Variants in SAFB observed in about 807,000 individuals in gnomAD.
SAFB encodes scaffold attachment factor B1.
Under a neutral mutation model 101.6 loss-of-function variants are expected in SAFB, and 15 were observed. That is an observed-to-expected ratio of 0.15 (90% CI 0.10 to 0.23). SAFB has a LOEUF of 0.23. Among genes scored for constraint, SAFB ranks in the 10% least tolerant of loss-of-function variants. The pLI is 1.00. For missense variants in SAFB, 930 were observed against 1,104.1 expected, an observed-to-expected ratio of 0.84 and a Z score of 2.23; for synonymous variants, 449 against 407.5, an observed-to-expected ratio of 1.10 and a Z score of -1.23.
At chr19:5,643,070 A>G (rs560672765) in intron 4 of SAFB, among the ~76,000 whole-genome samples, 18 of 152,304 alleles carry the variant, frequency 1.2e-4, no homozygotes, top group African/African-American at 4.3e-4. Flanking sequence ...CAGATGACAC[A>G]CAGCTCATAA....
At chr19:5,628,026 T>A (rs2053405730) in intron 2 of SAFB, among the ~76,000 whole-genome samples, 1 of 152,100 alleles carries the variant, frequency 6.6e-6, no homozygotes, top group Admixed American at 6.6e-5. Flanking sequence ...TGAGGCGGAC[T>A]GGTCACCTGA....
intron 2 of SAFB, among the ~76,000 whole-genome samples, chr19:5,640,707 C>T (rs2053690252): frequency 6.6e-6 from 1 of 151,732 alleles, no homozygotes; most frequent in Non-Finnish European, 1.5e-5. Context: ...TTCCTGCCTC[C>T]GCCTCCTGAG....
At chr19:5,650,474 C>T (rs774433134) in intron 8 of SAFB, among the ~76,000 whole-genome samples, 16 of 152,076 alleles carry the variant, frequency 1.1e-4, no homozygotes, top group East Asian at 3.8e-4. Flanking sequence ...TGCAGTGGCG[C>T]GATCTCAGCT....
At chr19:5,652,575 A>G (rs964796057) in intron 9 of SAFB, among the ~76,000 whole-genome samples, 1 of 152,208 alleles carries the variant, frequency 6.6e-6, no homozygotes, top group African/African-American at 2.4e-5. Context: ...CCCTAACTGC[A>G]TCCTGCTGGA....
At chr19:5,639,020 C>T (rs548538624) in intron 2 of SAFB, among the ~76,000 whole-genome samples, 73 of 152,322 alleles carry the variant, frequency 4.8e-4, no homozygotes, top group Non-Finnish European at 9.1e-4. Flanking sequence ...AGCCACCACG[C>T]CTGGCAAGTA....
rs902554257 is a variant in SAFB, at chr19:5,641,595, G to T, written c.276G>T (p.Gly92=). 1.2e-6 allele frequency: 2 copies of T among 1,613,618 alleles called. No individual in the cohort carries two copies. The highest frequency in any genetic ancestry group is 1.7e-6 in the Non-Finnish European group (2 of 1,179,754). ...NKKTSKRSSK[G]RKPEEEGVED... The stretch of plus-strand genomic sequence containing the variant: ...TGCTGTAAATGATTCTGTCTTCAGG[G>T]CGCAAACCAGAAGAAGAGGGTGTGG... Residue 92 remains glycine, a splice_region_variant and synonymous_variant, in exon 3 of 21, where the codon GGG becomes GGT. Coordinates refer to ENST00000588852, the MANE Select transcript of SAFB (RefSeq NM_001201338.2).
chr19:5,641,255 C>T (rs1259993668), intron 2 of SAFB, among the ~76,000 whole-genome samples: 1 of 152,200 alleles, frequency 6.6e-6, no homozygotes, highest in Non-Finnish European at 1.5e-5. Context: ...AACTAAAAGG[C>T]AGCACATTTG....
rs533493297 is a variant in SAFB, at chr19:5,658,829, C to T, written c.1862+1482C>T. ...CTGCACTCCAGCCTGGGCGACAGAG[C>T]AAGACTCCATCTCAAAAAAAAAGGG... On this transcript the variant is annotated intron_variant, in intron 14 of 20. Transcript: ENST00000588852. 3.0e-5 allele frequency among the ~76,000 whole-genome samples: 4 copies of T among 133,330 alleles called. No individual in the cohort carries two copies. The East Asian group carries it at 6.8e-4, about 23-fold the overall frequency. The allele number at this position is 133,330 out of a possible 152,430, so 87.5% of individuals were successfully genotyped here.
intron 13 of SAFB, among the ~76,000 whole-genome samples, chr19:5,656,293 A>G (rs1016828452): frequency 2.0e-4 from 30 of 151,798 alleles, no homozygotes; most frequent in Non-Finnish European, 1.2e-4. Context: ...ATTATTTTTT[A>G]GACAGTCTGA....
chr19:5,623,592 C>T (rs904327463), intron 1 of SAFB, among the ~76,000 whole-genome samples, 198 bp downstream of exon 1: 1 of 152,122 alleles, frequency 6.6e-6, no homozygotes, highest in Non-Finnish European at 1.5e-5. Flanking sequence ...ATCCTAACGC[C>T]GCAATGGGGC....
chr19:5,659,751 G>A (rs2054152404), intron 14 of SAFB, among the ~76,000 whole-genome samples: 1 of 151,926 alleles, frequency 6.6e-6, no homozygotes, highest in Admixed American at 6.6e-5. Context: ...ATTGGCAGGT[G>A]GCATTTCTGC....
chr19:5,651,099 G>T (rs2053928553), intron 9 of SAFB, 27 bp downstream of exon 9: 2 of 1,471,990 alleles, frequency 1.4e-6, no homozygotes, highest in African/African-American at 1.4e-5. Context: ...TTCTGGAGAA[G>T]ATACTTTGAA....
intron 13 of SAFB, among the ~76,000 whole-genome samples, chr19:5,654,901 T>C (rs910038404): frequency 1.3e-5 from 2 of 152,240 alleles, no homozygotes; most frequent in Non-Finnish European, 2.9e-5. Flanking sequence ...AAAGCTTTCC[T>C]TTATCCTTAC....
chr19:5,632,034 G>A (rs2053501182), intron 2 of SAFB, among the ~76,000 whole-genome samples: 1 of 152,108 alleles, frequency 6.6e-6, no homozygotes, highest in South Asian at 2.1e-4. Context: ...TGGTAACAGG[G>A]CAAGACTCTG....
intron 2 of SAFB, among the ~76,000 whole-genome samples, chr19:5,637,619 A>T (rs1447606144): frequency 6.6e-6 from 1 of 151,984 alleles, no homozygotes; most frequent in Non-Finnish European, 1.5e-5. Context: ...GTGAGCCAAG[A>T]CATGCCACTG....
intron 4 of SAFB, among the ~76,000 whole-genome samples, chr19:5,642,801 G>A (rs2053751502): frequency 6.6e-6 from 1 of 151,374 alleles, no homozygotes; most frequent in Non-Finnish European, 1.5e-5. Flanking sequence ...GAGTAGCTGG[G>A]ATTATAGGCG....
chr19:5,663,929 G>A, intron 15 of SAFB, 93 bp from the exon 16 acceptor site: 1 of 1,371,770 alleles, frequency 7.3e-7, no homozygotes, highest in South Asian at 1.3e-5. Context: ...AGTCATCCTG[G>A]TTCTGTGAAG....
intron 4 of SAFB, 65 bp downstream of exon 4, chr19:5,642,011 G>C: frequency 7.7e-7 from 1 of 1,296,882 alleles, no homozygotes; most frequent in Admixed American, 1.8e-5. Flanking sequence ...TAAAATAGGT[G>C]ATCAGTTTCA....
chr19:5,631,281 C>A (rs576880770), intron 2 of SAFB, among the ~76,000 whole-genome samples: 66 of 152,286 alleles, frequency 4.3e-4, no homozygotes, highest in African/African-American at 1.5e-3. Context: ...AAATAAAAGT[C>A]GCTGTTGTGA....
Sources: allele counts gnomAD v4.1 joint callset (sites outside exome capture counted in the v4.1 genomes callset), GRCh38; gene constraint gnomAD v4.1.1; transcripts MANE v1.5; gene names NCBI Gene and HGNC (gene_info 2026-07-23, HGNC 2026-07-21).